Variants in ASCC3 observed in about 807,000 individuals in gnomAD.
ASCC3 encodes the protein ASC-1 complex subunit P200.
A neutral mutation model predicts 256.3 loss-of-function variants in ASCC3; 158 were observed. That is an observed-to-expected ratio of 0.62 (90% CI 0.54 to 0.70). The LOEUF is 0.70. Among genes scored for constraint, ASCC3 ranks in the 30% least tolerant of loss-of-function variants. The pLI is 0.00. For missense variants in ASCC3, 2,259 were observed against 2,626.0 expected (o/e 0.86, Z 3.05); for synonymous variants, 948 against 883.4 (o/e 1.07, Z -1.30).
At chr6:100,565,895 A>G (rs1770217617) in intron 36 of ASCC3, among the ~76,000 whole-genome samples, 1 of 152,206 alleles carries the variant, frequency 6.6e-6, no homozygotes, top group Non-Finnish European at 1.5e-5. Context: ...ACTTGGCAGC[A>G]TAATAGTCAC....
intron 4 of ASCC3, among the ~76,000 whole-genome samples, chr6:100,819,031 T>C (rs923806406): frequency 6.6e-6 from 1 of 152,120 alleles, no homozygotes; most frequent in African/African-American, 2.4e-5. Flanking sequence ...TAGATGAAGC[T>C]AGAAACCATC....
chr6:100,795,015 C>T (rs1484701956), intron 8 of ASCC3, among the ~76,000 whole-genome samples: 3 of 152,032 alleles, frequency 2.0e-5, no homozygotes, highest in African/African-American at 7.2e-5. Flanking sequence ...CCTTTGACTC[C>T]TGGTGGCTCA....
rs112148157 is a variant in ASCC3, at chr6:100,562,978, C to A, written c.5551-22591G>T. Among the ~76,000 whole-genome samples the A allele has an allele frequency of 5.3e-5, 8 of 151,578 alleles. 1 individual carries two copies. The highest frequency in any genetic ancestry group is 1.9e-4 in the African/African-American group (8 of 41,382). ...GCCATTTTTTTTTCAATTTCTATTT[C>A]CTTTATCAGTGAGAAGGCTGAGTAT... On this transcript the variant is annotated intron_variant, in intron 36 of 41. Transcript: ENST00000369162.
At chr6:100,836,772 G>A (rs1771897502) in intron 4 of ASCC3, among the ~76,000 whole-genome samples, 1 of 152,064 alleles carries the variant, frequency 6.6e-6, no homozygotes, top group South Asian at 2.1e-4. Flanking sequence ...GACTTTGGAA[G>A]TATCCACTCC....
At chr6:100,844,395 G>A (rs924516588) in intron 4 of ASCC3, among the ~76,000 whole-genome samples, 1 of 151,702 alleles carries the variant, frequency 6.6e-6, no homozygotes, top group Non-Finnish European at 1.5e-5. Context: ...CTTTACTGTT[G>A]TTAATACTAC....
rs370671572 is a variant in ASCC3, at chr6:100,557,456, A to G, written c.5551-17069T>C. Among the ~76,000 whole-genome samples the G allele has an allele frequency of 1.4e-4, 22 of 152,214 alleles. No individual in the cohort carries two copies. The South Asian group carries it at 3.3e-3, about 23-fold the overall frequency. On this transcript the variant is annotated intron_variant, in intron 36 of 41. Coordinates refer to ENST00000369162, the MANE Select transcript of ASCC3 (RefSeq NM_006828.4). ...TAGTATGGATATGTTTATAATTTGTATATCTTTCTAATAAATGAACTCATT... is the reference window on the plus strand; with the variant it reads ...TAGTATGGATATGTTTATAATTTGTGTATCTTTCTAATAAATGAACTCATT...
At chr6:100,592,808 GT>G (rs1256056632) in intron 34 of ASCC3, among the ~76,000 whole-genome samples, 1 of 151,994 alleles carries the variant, frequency 6.6e-6, no homozygotes, top group South Asian at 2.1e-4. Context: ...CTGTTTTCAT[GT>G]TGCACTCTCC....
In ASCC3 at chr6:100,800,591, C is replaced by A. The variant is rs765393221; in HGVS notation, c.923-87G>T. 9 of 987,192 alleles carry A rather than the reference C, an allele frequency of 9.1e-6. No individual in the cohort carries two copies. In the East Asian group the frequency reaches 2.1e-4, roughly 23 times the overall value. The allele number at this position is 987,192 out of a possible 1,614,324, so 61.2% of individuals were successfully genotyped here. On this transcript the variant is annotated intron_variant, in intron 5 of 41. Transcript: ENST00000369162. ...AAAACCATTTCTTTCCTCCACCCCA[C>A]AACATATAATGCTCTTACAATTCAT...
intron 14 of ASCC3, among the ~76,000 whole-genome samples, chr6:100,667,327 C>T (rs1309980407): frequency 6.6e-6 from 1 of 152,088 alleles, no homozygotes; most frequent in African/African-American, 2.4e-5. Flanking sequence ...TTAAAGAGCA[C>T]ACACAGTGTG....
chr6:100,669,272 T>A (rs1246073204), intron 14 of ASCC3, among the ~76,000 whole-genome samples: 2 of 149,260 alleles, frequency 1.3e-5, no homozygotes, highest in Non-Finnish European at 3.0e-5. Flanking sequence ...AAAGTATTAA[T>A]CTTTACTATA....
At chr6:100,714,011 A>G (rs1778981616) in intron 13 of ASCC3, among the ~76,000 whole-genome samples, 1 of 152,174 alleles carries the variant, frequency 6.6e-6, no homozygotes, top group African/African-American at 2.4e-5. Context: ...CATCACACAT[A>G]CACTACAAAT....
chr6:100,773,810 A>C (rs1446714757), intron 8 of ASCC3, among the ~76,000 whole-genome samples: 1 of 152,162 alleles, frequency 6.6e-6, no homozygotes, highest in East Asian at 1.9e-4. Flanking sequence ...TAATTAAATG[A>C]GGGGAAAAGT....
intron 26 of ASCC3, among the ~76,000 whole-genome samples, chr6:100,630,450 A>C (rs575279093): frequency 6.6e-6 from 1 of 151,968 alleles, no homozygotes; most frequent in Non-Finnish European, 1.5e-5. Context: ...ATTTTGAAAA[A>C]ACATGAGCTA....
At position 100,805,930 on chromosome 6, in the gene ASCC3, CT is replaced by C. The variant is rs1206772124; in HGVS notation, c.802-51del. Reference sequence around the variant, plus strand: ...AAACATCAGTTATCTCAAAGTTTAACTTTTTCAAGTTATTAACAACCTATTC... The same window carrying C: ...AAACATCAGTTATCTCAAAGTTTAACTTTTCAAGTTATTAACAACCTATTC... On this transcript the variant is annotated intron_variant, in intron 4 of 41. Transcript: ENST00000369162. 5 of 1,578,806 alleles carry C rather than the reference CT, an allele frequency of 3.2e-6. No homozygotes were observed. In the African/African-American group the frequency reaches 6.8e-5, roughly 21 times the overall value.
At chr6:100,799,013 A>G (rs550163913) in intron 7 of ASCC3, among the ~76,000 whole-genome samples, 175 bp from the exon 8 acceptor site, 77 of 152,164 alleles carry the variant, frequency 5.1e-4, no homozygotes, top group Admixed American at 1.4e-3. Flanking sequence ...AAATGCAAAA[A>G]ACCACTCACA....
In ASCC3 at chr6:100,512,703, C is replaced by A; in HGVS notation, c.6285+6G>T. 5 of 1,613,918 alleles carry A rather than the reference C, an allele frequency of 3.1e-6. No individual in the cohort carries two copies. Among genetic ancestry groups the A allele is most frequent in the Non-Finnish European group, 4.2e-6 (5 of 1,179,796 alleles). ...AATATTTGAGAATGGAAACCAAACACTATACCTTGTGGAACCCAAAGTGGA... is the reference window on the plus strand; with the variant it reads ...AATATTTGAGAATGGAAACCAAACAATATACCTTGTGGAACCCAAAGTGGA... On this transcript the variant is annotated splice_donor_region_variant and intron_variant, in intron 40 of 41. Transcript: ENST00000369162.
Position 100,624,142 on chromosome 6 carries a change from A to G in ASCC3, c.4785+1050T>C, listed in dbSNP as rs546687277. On this transcript the variant is annotated intron_variant, in intron 30 of 41. Transcript: ENST00000369162. Reference sequence around the variant, plus strand: ...AATAAAAAAAAAGACACCATGAAAAAAAGACAAGCAATAAACTAGCAAAGT... The same window carrying G: ...AATAAAAAAAAAGACACCATGAAAAGAAGACAAGCAATAAACTAGCAAAGT... Among the ~76,000 whole-genome samples the G allele has an allele frequency of 6.6e-5, 10 of 152,160 alleles. No homozygotes were observed. In the East Asian group the frequency reaches 1.7e-3, roughly 26 times the overall value.
rs376869375 is a variant in ASCC3 at position 100,516,216 on chromosome 6, C to T, written c.6039G>A (p.Met2013Ile). Residue 2013 changes from methionine to isoleucine, a missense_variant, in exon 39 of 42, where the codon ATG becomes ATA. Met to Ile is a conservative substitution (Grantham distance 10). Transcript: ENST00000369162. Reference sequence around the variant, plus strand: ...TTGCAGCATGTAGCTCACTTTCTACCATGGAGCTAAATACATGGTCTTTCC... The same window carrying T: ...TTGCAGCATGTAGCTCACTTTCTACTATGGAGCTAAATACATGGTCTTTCC... ...CGGKDHVFSS[M>I]VESELHAAKT... 1.9e-6 allele frequency: 3 copies of T among 1,613,508 alleles called. No individual in the cohort carries two copies. The African/African-American group carries it at 4.0e-5, about 22-fold the overall frequency.
At chr6:100,696,471 T>C (rs1778086575) in intron 13 of ASCC3, among the ~76,000 whole-genome samples, 2 of 152,068 alleles carry the variant, frequency 1.3e-5, no homozygotes, top group Admixed American at 1.3e-4. Flanking sequence ...CAAATGTTTA[T>C]GGTAGTAACC....
Sources: gnomAD v4.1 joint callset for allele counts (sites outside exome capture counted in the v4.1 genomes callset) on GRCh38, gnomAD v4.1.1 for gene constraint, MANE v1.5 for transcripts, NCBI Gene and HGNC (gene_info 2026-07-23, HGNC 2026-07-21) for gene names.